The following DSCAML1 variants were observed in gnomAD, a reference collection of about 807,000 sequenced individuals.
DSCAML1 encodes cell adhesion molecule DSCAML1.
A neutral mutation model predicts 200.5 loss-of-function variants in DSCAML1; 38 were observed. That is an observed-to-expected ratio of 0.19 (90% CI 0.15 to 0.25). The LOEUF (loss-of-function observed/expected upper bound fraction) is 0.25, where lower values mean the gene tolerates loss of function less well. DSCAML1 is among the 10% of genes least tolerant of loss of function. DSCAML1 has a pLI of 1.00. For synonymous variants in DSCAML1, 1,215 were observed against 1,165.0 expected, an observed-to-expected ratio of 1.04 and a Z score of -0.87; for missense variants, 2,223 against 2,858.8, an observed-to-expected ratio of 0.78 and a Z score of 5.07.
At chr11:117,724,543 T>A (rs1245368393) in intron 3 of DSCAML1, among the ~76,000 whole-genome samples, 1 of 152,218 alleles carries the variant, frequency 6.6e-6, no homozygotes, top group Non-Finnish European at 1.5e-5. Context: ...AATGCTCAGA[T>A]GCCGGCTAAC....
chr11:117,571,113 T>C (rs768395790), intron 3 of DSCAML1, among the ~76,000 whole-genome samples: 1 of 152,290 alleles, frequency 6.6e-6, no homozygotes, highest in South Asian at 2.1e-4. Context: ...AGAGCCCTGG[T>C]GGGGACGATG....
intron 3 of DSCAML1, among the ~76,000 whole-genome samples, chr11:117,591,401 G>C (rs2051256977): frequency 6.6e-6 from 1 of 152,168 alleles, no homozygotes; most frequent in Non-Finnish European, 1.5e-5. Context: ...AGCACAATGT[G>C]ATATAGTCAC....
chr11:117,624,021 G>C (rs1235325855), intron 3 of DSCAML1, among the ~76,000 whole-genome samples: 1 of 152,202 alleles, frequency 6.6e-6, no homozygotes, highest in Non-Finnish European at 1.5e-5. Flanking sequence ...TGGGCACCCA[G>C]GTACCATAAA....
chr11:117,727,288 A>G (rs1348893456), intron 3 of DSCAML1, among the ~76,000 whole-genome samples: 1 of 152,174 alleles, frequency 6.6e-6, no homozygotes, highest in African/African-American at 2.4e-5. Flanking sequence ...CCCGTGAATC[A>G]CTGTGGGATT....
chr11:117,800,787 C>G (rs1224864611), upstream of DSCAML1: 3 of 152,100 alleles, frequency 2.0e-5, no homozygotes, highest in Admixed American at 6.5e-5. Context: ...TCAGGTTAAT[C>G]ATGGATATTT....
intron 11 of DSCAML1, among the ~76,000 whole-genome samples, chr11:117,502,895 G>A (rs1261250108): frequency 1.3e-5 from 2 of 151,956 alleles, no homozygotes; most frequent in African/African-American, 2.4e-5. Flanking sequence ...ACGAGGCCAA[G>A]TATGCTCATC....
rs769760089 is a variant in DSCAML1, at chr11:117,428,560, G to A, written c.5930C>T (p.Pro1977Leu). ...GGGGGCTGTGCCGGCTGGGGGGGCT[G>A]GCATGGCCAGAGTCCTCTGAGGTAA... ...ATLPQRTLAM[P>L]APPAGTAPPA... Residue 1977 changes from proline to leucine, a missense_variant, in exon 33 of 33, where the codon CCA becomes CTA. Coordinates refer to ENST00000651296, the MANE Select transcript of DSCAML1 (RefSeq NM_020693.4). The A allele has an allele frequency of 9.6e-6, 15 of 1,559,778 alleles. No individual in the cohort carries two copies. The highest frequency in any genetic ancestry group is 1.1e-5 in the Non-Finnish European group (13 of 1,151,734).
At chr11:117,433,059 T>C (rs1197777102) in intron 29 of DSCAML1, 79 bp downstream of exon 29, 1 of 1,255,312 alleles carries the variant, frequency 8.0e-7, no homozygotes, top group East Asian at 2.4e-5. Flanking sequence ...GCCATGAGGG[T>C]TGGTGTTTGA....
In DSCAML1 at chr11:117,568,442, T is replaced by C. The variant is rs562535259; in HGVS notation, c.512-35920A>G. ...AAAGAGGAAGTCAAATTGTCCCTGTTTGCAGATGACATGATTGTATATCTA... is the reference window on the plus strand; with the variant it reads ...AAAGAGGAAGTCAAATTGTCCCTGTCTGCAGATGACATGATTGTATATCTA... On this transcript the variant is annotated intron_variant, in intron 3 of 32. Coordinates refer to ENST00000651296, the MANE Select transcript of DSCAML1 (RefSeq NM_020693.4). Among the ~76,000 whole-genome samples the C allele has an allele frequency of 3.3e-5, 5 of 152,350 alleles. No individual in the cohort carries two copies. In the East Asian group the frequency reaches 9.6e-4, roughly 29 times the overall value.
At chr11:117,699,737 T>C (rs2053637471) in intron 3 of DSCAML1, among the ~76,000 whole-genome samples, 1 of 152,196 alleles carries the variant, frequency 6.6e-6, no homozygotes, top group Non-Finnish European at 1.5e-5. Flanking sequence ...CCATCCCCAC[T>C]TTATGTTCCA....
intron 1 of DSCAML1, among the ~76,000 whole-genome samples, chr11:117,783,004 A>T (rs2055290692): frequency 1.3e-5 from 2 of 152,160 alleles, no homozygotes; most frequent in African/African-American, 4.8e-5. Context: ...ACCACAGTGT[A>T]ACCACTGCAA....
intron 4 of DSCAML1, among the ~76,000 whole-genome samples, chr11:117,529,395 T>C (rs2050034078): frequency 6.6e-6 from 1 of 152,178 alleles, no homozygotes; most frequent in Non-Finnish European, 1.5e-5. Flanking sequence ...ATAGGAGATA[T>C]TCTGTTTCAT....
At chr11:117,703,109 C>T (rs1006808235) in intron 3 of DSCAML1, among the ~76,000 whole-genome samples, 8 of 152,114 alleles carry the variant, frequency 5.3e-5, no homozygotes, top group Non-Finnish European at 7.4e-5. Context: ...CAGTGGTGAA[C>T]GTGTGAGCAG....
rs555746395 is a variant in DSCAML1, at chr11:117,537,284, C to T, written c.512-4762G>A. Among the ~76,000 whole-genome samples, 3 of 152,340 alleles carry T rather than the reference C, an allele frequency of 2.0e-5. No homozygotes were observed. The South Asian group carries it at 6.2e-4, about 32-fold the overall frequency. On this transcript the variant is annotated intron_variant, in intron 3 of 32. Coordinates refer to ENST00000651296, the MANE Select transcript of DSCAML1 (RefSeq NM_020693.4). Reference sequence around the variant, plus strand: ...TGTCTCCAGGTCTTGGTCTGGGCACCATGGGAGAAGTCCTGGACTTGGTCT... The same window carrying T: ...TGTCTCCAGGTCTTGGTCTGGGCACTATGGGAGAAGTCCTGGACTTGGTCT...
intron 3 of DSCAML1, among the ~76,000 whole-genome samples, chr11:117,564,673 C>T (rs532159694): frequency 1.7e-4 from 25 of 149,190 alleles, no homozygotes; most frequent in African/African-American, 6.1e-4. Context: ...TTCCTTCCTC[C>T]TTCCTTCCTT....
At chr11:117,429,656 G>A (rs1320411462) in intron 32 of DSCAML1, among the ~76,000 whole-genome samples, 1 of 152,218 alleles carries the variant, frequency 6.6e-6, no homozygotes, top group East Asian at 1.9e-4. Flanking sequence ...TTACAGGCAT[G>A]AGCCGCCGCA....
intron 3 of DSCAML1, among the ~76,000 whole-genome samples, chr11:117,681,835 A>G (rs1202525227): frequency 1.3e-5 from 2 of 152,138 alleles, no homozygotes; most frequent in African/African-American, 4.8e-5. Flanking sequence ...AAACACCCAC[A>G]TCAAATCCTC....
chr11:117,685,002 CTGT>C (rs2053380766), intron 3 of DSCAML1, among the ~76,000 whole-genome samples: 1 of 152,260 alleles, frequency 6.6e-6, no homozygotes, highest in Admixed American at 6.5e-5. Context: ...AGGAGGTCTC[CTGT>C]TGAGGCCCCT....
intron 3 of DSCAML1, among the ~76,000 whole-genome samples, chr11:117,583,004 T>TTATTATTATTAG (rs1253500897): frequency 0.015 from 2,194 of 149,862 alleles, 48 homozygotes; most frequent in African/African-American, 0.05. Flanking sequence ...ATTATTATTA[T>TTATTATTATTAG]TATTATTATT....
Sources: allele counts gnomAD v4.1 joint callset (sites outside exome capture counted in the v4.1 genomes callset), GRCh38; gene constraint gnomAD v4.1.1; transcripts MANE v1.5; gene names NCBI Gene and HGNC (gene_info 2026-07-23, HGNC 2026-07-21).